CRISPLD2: variants seen among roughly 807,000 people sequenced by gnomAD.
The protein encoded by CRISPLD2 is cysteine-rich secretory protein LCCL domain-containing 2.
Under a neutral mutation model 71.1 loss-of-function variants are expected in CRISPLD2, and 47 were observed. The observed-to-expected ratio is 0.66, with a 90% CI of 0.52 to 0.84. The LOEUF is 0.84. CRISPLD2 is among the 40% of genes least tolerant of loss of function. The pLI is 0.00. For synonymous variants in CRISPLD2, 317 were observed against 250.1 expected (o/e 1.27, Z -2.52); for missense variants, 830 against 651.1 (o/e 1.27, Z -2.99).
intron 8 of CRISPLD2, among the ~76,000 whole-genome samples, chr16:84,871,316 G>A (rs936439166): frequency 1.2e-4 from 19 of 152,062 alleles, no homozygotes; most frequent in Non-Finnish European, 1.3e-4. Context: ...AGCACCTTGG[G>A]AGGTCAAGGT....
chr16:84,823,926 C>T (rs559402263), intron 1 of CRISPLD2, among the ~76,000 whole-genome samples: 2 of 152,164 alleles, frequency 1.3e-5, no homozygotes, highest in African/African-American at 4.8e-5. Flanking sequence ...GTCATGCTCC[C>T]ATTTTGCTTG....
intron 4 of CRISPLD2, 80 bp from the exon 5 acceptor site, chr16:84,850,488 C>T (rs1023218425): frequency 3.5e-6 from 4 of 1,142,574 alleles, no homozygotes; most frequent in Non-Finnish European, 5.3e-6. Context: ...AGTGCCAGCA[C>T]CTTATACATC....
chr16:84,864,965 T>C (rs1917494686), intron 6 of CRISPLD2, among the ~76,000 whole-genome samples: 1 of 152,120 alleles, frequency 6.6e-6, no homozygotes, highest in African/African-American at 2.4e-5. Flanking sequence ...GGTAGTGAAA[T>C]TGGCCAGTGA....
intron 3 of CRISPLD2, among the ~76,000 whole-genome samples, chr16:84,847,025 C>T (rs1471092877): frequency 7.9e-5 from 12 of 152,222 alleles, no homozygotes; most frequent in East Asian, 1.9e-4. Context: ...TAAGACTTAA[C>T]GACCAACCTG....
At chr16:84,870,988 G>T (rs1285365250) in intron 8 of CRISPLD2, among the ~76,000 whole-genome samples, 1 of 152,148 alleles carries the variant, frequency 6.6e-6, no homozygotes, top group African/African-American at 2.4e-5. Context: ...AACCTGGGAG[G>T]TGGAGGCTGC....
intron 12 of CRISPLD2, among the ~76,000 whole-genome samples, chr16:84,879,598 G>A (rs1181217712): frequency 6.6e-6 from 1 of 152,104 alleles, no homozygotes; most frequent in Non-Finnish European, 1.5e-5. Flanking sequence ...CCGACCTCAG[G>A]TGATCCACCC....
intron 11 of CRISPLD2, among the ~76,000 whole-genome samples, chr16:84,876,365 G>C (rs1487705635): frequency 6.6e-6 from 1 of 151,942 alleles, no homozygotes; most frequent in East Asian, 1.9e-4. Flanking sequence ...ATCCAGGTGT[G>C]GTGGCAGGCA....
intron 2 of CRISPLD2, chr16:84,839,222 A>G: frequency 3.1e-6 from 1 of 327,666 alleles, no homozygotes; most frequent in South Asian, 2.4e-5. Flanking sequence ...AAAACAACAC[A>G]CGTGGGTTCC....
chr16:84,883,404 G>T (rs2071585060), intron 13 of CRISPLD2, among the ~76,000 whole-genome samples: 1 of 152,240 alleles, frequency 6.6e-6, no homozygotes, highest in African/African-American at 2.4e-5. Flanking sequence ...AAGCATCGGG[G>T]TGTGGCCCAG....
intron 2 of CRISPLD2, 78 bp downstream of exon 2, chr16:84,838,813 GCT>G (rs1916696788): frequency 6.5e-7 from 1 of 1,532,638 alleles, no homozygotes; most frequent in Non-Finnish European, 8.8e-7. Context: ...TCCCCAGCCA[GCT>G]CTGTTCCCCA....
chr16:84,868,871 A>G lies in CRISPLD2; in HGVS notation c.874A>G (p.Thr292Ala). The stretch of plus-strand genomic sequence containing the variant: ...CCTAGCCCAAGTCGTCAGATGTGAC[A>G]CCAAGATGAAGGACAGGTGCAAAGG... Reference protein sequence around the residue: ...NYMTQVVRCDTKMKDRCKGST... With the variant: ...NYMTQVVRCDAKMKDRCKGST... The change falls in exon 8 of 15, where the codon ACC becomes GCC. Residue 292 changes from threonine (T) to alanine (A), a missense_variant. Coordinates refer to ENST00000262424, the MANE Select transcript of CRISPLD2 (RefSeq NM_031476.4). 6.2e-7 allele frequency: 1 copy of G among 1,611,680 alleles called. No homozygotes were observed. Among genetic ancestry groups the G allele is most frequent in the Non-Finnish European group, 8.5e-7 (1 of 1,179,040 alleles).
chr16:84,840,600 G>C (rs1916743481), intron 2 of CRISPLD2, among the ~76,000 whole-genome samples: 1 of 152,136 alleles, frequency 6.6e-6, no homozygotes, highest in Admixed American at 6.6e-5. Context: ...TCTGGCTCCT[G>C]GGTTCAAGCA....
chr16:84,856,768 C>T (rs1443559054), intron 6 of CRISPLD2, among the ~76,000 whole-genome samples: 3 of 152,180 alleles, frequency 2.0e-5, no homozygotes, highest in Non-Finnish European at 4.4e-5. Flanking sequence ...TCTATCAATC[C>T]AGCTGCTTCA....
chr16:84,852,553 C>T (rs1917119365), intron 5 of CRISPLD2, among the ~76,000 whole-genome samples: 2 of 152,314 alleles, frequency 1.3e-5, no homozygotes, highest in African/African-American at 4.8e-5. Flanking sequence ...CATATTACTG[C>T]GTGCTGTCCA....
intron 14 of CRISPLD2, among the ~76,000 whole-genome samples, chr16:84,900,526 CATCACACA>C (rs2071744076): frequency 1.5e-4 from 1 of 6,702 alleles, no homozygotes; most frequent in South Asian, 0.017. Context: ...AAAAGCAAGA[CATCACACA>C]GCGCTGGGAG....
chr16:84,846,999 A>G (rs928138052), intron 3 of CRISPLD2, among the ~76,000 whole-genome samples: 19 of 152,236 alleles, frequency 1.2e-4, no homozygotes, highest in Non-Finnish European at 2.5e-4. Flanking sequence ...CGCCCAGGAT[A>G]ACAACTAAGA....
chr16:84,825,568 T>G (rs1047329412), intron 1 of CRISPLD2, among the ~76,000 whole-genome samples: 1 of 152,032 alleles, frequency 6.6e-6, no homozygotes, highest in Non-Finnish European at 1.5e-5. Context: ...CCAGCCTGGC[T>G]AACATGGCAA....
intron 14 of CRISPLD2, among the ~76,000 whole-genome samples, chr16:84,897,167 G>A (rs1364522493): frequency 6.6e-6 from 1 of 152,190 alleles, no homozygotes; most frequent in Non-Finnish European, 1.5e-5. Flanking sequence ...TTCTAGGCCG[G>A]GTGCGGCGGC....
At chr16:84,851,664 A>C (rs966711315) in intron 5 of CRISPLD2, among the ~76,000 whole-genome samples, 1 of 152,188 alleles carries the variant, frequency 6.6e-6, no homozygotes, top group African/African-American at 2.4e-5. Flanking sequence ...CGGGTGTGTC[A>C]TTGCCTGGGA....
Sources: allele counts gnomAD v4.1 joint callset (sites outside exome capture counted in the v4.1 genomes callset), GRCh38; gene constraint gnomAD v4.1.1; transcripts MANE v1.5; gene names NCBI Gene and HGNC (gene_info 2026-07-23, HGNC 2026-07-21).